Variants in PDE6C observed in about 807,000 individuals in gnomAD.
The protein encoded by PDE6C is cone cGMP-specific 3',5'-cyclic phosphodiesterase subunit alpha'.
PDE6C carries 75 observed loss-of-function variants against 113.1 expected under a neutral mutation model. The observed-to-expected ratio is 0.66, with a 90% CI of 0.55 to 0.80. The LOEUF (loss-of-function observed/expected upper bound fraction) is 0.80. Among genes scored for constraint, PDE6C ranks in the 30% least tolerant of loss-of-function variants. The pLI, the probability that PDE6C is intolerant of heterozygous loss-of-function variation, is 0.00. For missense variants in PDE6C, 912 were observed against 1,038.6 expected (o/e 0.88, Z 1.67); for synonymous variants, 375 against 363.7 (o/e 1.03, Z -0.35).
chr10:93,655,342 C>G (rs1196809713), intron 15 of PDE6C, among the ~76,000 whole-genome samples: 1 of 152,058 alleles, frequency 6.6e-6, no homozygotes, highest in Non-Finnish European at 1.5e-5. Flanking sequence ...TCTAAAATTA[C>G]CTGGTAGATA....
rs142637365 is a variant in PDE6C, at chr10:93,657,144, G to T, written c.2036+1284G>T. 4.0e-5 allele frequency among the ~76,000 whole-genome samples: 6 copies of T among 151,466 alleles called. No homozygotes were observed. In the East Asian group the frequency reaches 1.2e-3, roughly 30 times the overall value. On this transcript the variant is annotated intron_variant, in intron 16 of 21. Coordinates refer to ENST00000371447, the MANE Select transcript of PDE6C (RefSeq NM_006204.4). ...ATCCATGTTTTTATATGGTATTGTTGTGTGTTGTTTTTTTTGTTTGGTTTC... is the reference window on the plus strand; with the variant it reads ...ATCCATGTTTTTATATGGTATTGTTTTGTGTTGTTTTTTTTGTTTGGTTTC...
intron 16 of PDE6C, 151 bp from the exon 17 acceptor site, chr10:93,658,750 C>A (rs2058652488): frequency 1.5e-6 from 1 of 649,210 alleles, no homozygotes; most frequent in Non-Finnish European, 2.8e-6. Flanking sequence ...TACCACCATT[C>A]TCTGCTCTCG....
At position 93,654,786 on chromosome 10, in the gene PDE6C, CTTTCTTTCTTTCTTTCTTTCTTTCT is replaced by C. The variant is rs1227833001; in HGVS notation, c.1936-970_1936-946del. ...TCTTTCTTTCTTTCTTTCTTTCTTT[CTTTCTTTCTTTCTTTCTTTCTTTCT>C]TTTTTTTTTTTTTTGAAACAGGGTC... is the stretch of plus-strand genomic sequence containing the variant. On this transcript the variant is annotated intron_variant, in intron 15 of 21. Transcript: ENST00000371447. 4.8e-4 allele frequency among the ~76,000 whole-genome samples: 34 copies of C among 71,404 alleles called. No homozygotes were observed. In the East Asian group the frequency reaches 5.0e-3, roughly 10 times the overall value. 46.8% of individuals were successfully genotyped at this position (71,404 alleles called of 152,430 possible).
intron 3 of PDE6C, among the ~76,000 whole-genome samples, chr10:93,621,532 C>T (rs1330152672): frequency 1.3e-5 from 2 of 152,166 alleles, no homozygotes; most frequent in Admixed American, 6.5e-5. Context: ...GGTAAGGTTA[C>T]CTCTGACTAT....
intron 10 of PDE6C, among the ~76,000 whole-genome samples, chr10:93,636,369 T>TGGGG (rs1564800173): frequency 6.0e-4 from 4 of 6,622 alleles, no homozygotes; most frequent in African/African-American, 1.7e-3. Context: ...TCCCTGGCTT[T>TGGGG]GTGTGTGTGT....
At chr10:93,643,051 G>T (rs1466058940) in intron 14 of PDE6C, among the ~76,000 whole-genome samples, 1 of 152,172 alleles carries the variant, frequency 6.6e-6, no homozygotes, top group East Asian at 1.9e-4. Flanking sequence ...AGCATCTATT[G>T]TGTGCTAGTA....
In PDE6C at chr10:93,656,353, G is replaced by A. The variant is rs76400399; in HGVS notation, c.2036+493G>A. ...CCAAACTTACAAAACTGAGTCATAC[G>A]TAACAGAGAGCCAGCCTATTTACAA... On this transcript the variant is annotated intron_variant, in intron 16 of 21. Coordinates refer to ENST00000371447, the MANE Select transcript of PDE6C (RefSeq NM_006204.4). Among the ~76,000 whole-genome samples, 1,393 of 152,218 alleles carry A rather than the reference G, an allele frequency of 9.2e-3. 17 individuals are homozygous for A. Among genetic ancestry groups the A allele is most frequent in the East Asian group, 0.047 (244 of 5,182 alleles).
intron 15 of PDE6C, among the ~76,000 whole-genome samples, chr10:93,654,810 CTTT>C (rs57025205): frequency 2.6e-5 from 2 of 77,106 alleles, no homozygotes; most frequent in Non-Finnish European, 5.1e-5. Context: ...TTCTTTCTTT[CTTT>C]TTTTTTTTTT....
At chr10:93,623,171 T>A (rs1272543707) in intron 4 of PDE6C, among the ~76,000 whole-genome samples, 1 of 152,210 alleles carries the variant, frequency 6.6e-6, no homozygotes. Context: ...GGGTATCAGT[T>A]GTGGTATCTC....
In PDE6C at chr10:93,661,318, G is replaced by A. The variant is rs140572283; in HGVS notation, c.2209-741G>A. ...AGCTTTGTACGTTCCATTTTATCTC[G>A]GCAAATATTCTTCCCCTCCTCTTTT... On this transcript the variant is annotated intron_variant, in intron 18 of 21. Coordinates refer to ENST00000371447, the MANE Select transcript of PDE6C (RefSeq NM_006204.4). 6.8e-4 allele frequency among the ~76,000 whole-genome samples: 104 copies of A among 152,120 alleles called. 3 individuals are homozygous for A. In the East Asian group the frequency reaches 0.018, roughly 26 times the overall value.
At chr10:93,640,387 G>A in intron 12 of PDE6C, 63 bp from the exon 13 acceptor site, 2 of 1,346,660 alleles carry the variant, frequency 1.5e-6, no homozygotes, top group Non-Finnish European at 2.1e-6. Context: ...AGATAAGATT[G>A]CCACAGACCT....
chr10:93,633,759 G>A (rs1200670148), intron 8 of PDE6C, among the ~76,000 whole-genome samples: 3 of 152,116 alleles, frequency 2.0e-5, no homozygotes, highest in Non-Finnish European at 2.9e-5. Context: ...GTATTTTAAC[G>A]GGAGAATTTT....
intron 11 of PDE6C, among the ~76,000 whole-genome samples, chr10:93,638,210 T>G (rs921013276): frequency 6.6e-6 from 1 of 152,058 alleles, no homozygotes; most frequent in Non-Finnish European, 1.5e-5. Context: ...GTGAGCATTC[T>G]TTCTAAACTA....
chr10:93,622,595 T>A (rs1390922125), intron 4 of PDE6C, among the ~76,000 whole-genome samples: 1 of 151,280 alleles, frequency 6.6e-6, no homozygotes, highest in East Asian at 1.9e-4. Flanking sequence ...GTGCTTCACA[T>A]ATTCAACCTT....
At chr10:93,629,136 A>C (rs1260455222) in intron 7 of PDE6C, 122 bp from the exon 8 acceptor site, 92 of 822,472 alleles carry the variant, frequency 1.1e-4, no homozygotes, top group Non-Finnish European at 1.1e-5. Context: ...ATTTGCCCGC[A>C]AGCAGTCAAG....
chr10:93,643,242 A>G (rs2058568111), intron 14 of PDE6C, among the ~76,000 whole-genome samples: 2 of 152,092 alleles, frequency 1.3e-5, no homozygotes, highest in South Asian at 4.2e-4. Context: ...TGCAGGAAAG[A>G]TGCATGCAGC....
chr10:93,640,051 C>G lies in PDE6C; in HGVS notation c.1483-19C>G. 1 of 1,613,560 alleles carries G rather than the reference C, an allele frequency of 6.2e-7. No homozygotes were observed. Among genetic ancestry groups the G allele is most frequent in the South Asian group, 1.1e-5 (1 of 91,078 alleles). On this transcript the variant is annotated intron_variant, in intron 11 of 21. Transcript: ENST00000371447. ...AACAGATGAATGTAATCTGAAACAA[C>G]CCATCCTTATTTCAACAGAAAGAGG...
At chr10:93,662,440 GAC>G in intron 19 of PDE6C, 118 bp from the exon 20 acceptor site, 1 of 535,298 alleles carries the variant, frequency 1.9e-6, no homozygotes, top group Non-Finnish European at 3.3e-6. Context: ...CCAGACTGGA[GAC>G]AGAGTGAGAC....
At chr10:93,627,092 G>A (rs549384877) in intron 7 of PDE6C, among the ~76,000 whole-genome samples, 49 of 151,840 alleles carry the variant, frequency 3.2e-4, no homozygotes, top group Non-Finnish European at 5.2e-4. Flanking sequence ...GTGAAACCCC[G>A]TCTCTACTAA....
Sources: gnomAD v4.1 joint callset for allele counts (sites outside exome capture counted in the v4.1 genomes callset) on GRCh38, gnomAD v4.1.1 for gene constraint, MANE v1.5 for transcripts, NCBI Gene and HGNC (gene_info 2026-07-23, HGNC 2026-07-21) for gene names.